The following TENM4 variants were observed in gnomAD, a reference collection of about 807,000 sequenced individuals.
TENM4 encodes the protein teneurin-4.
TENM4 carries 82 observed loss-of-function variants against 243.3 expected under a neutral mutation model. The observed-to-expected ratio is 0.34, with a 90% CI of 0.28 to 0.40. The LOEUF (loss-of-function observed/expected upper bound fraction) is 0.40. Among genes scored for constraint, TENM4 ranks in the 10% least tolerant of loss-of-function variants. The pLI is 1.00. For synonymous variants in TENM4, 1,412 were observed against 1,456.3 expected (o/e 0.97, Z 0.69); for missense variants, 3,138 against 3,673.3 (o/e 0.85, Z 3.77).
chr11:78,819,325 C>T (rs1857675687), intron 12 of TENM4, among the ~76,000 whole-genome samples: 1 of 152,148 alleles, frequency 6.6e-6, no homozygotes, highest in South Asian at 2.1e-4. Context: ...TCTCCTGAGT[C>T]CAGGGTTGAT....
chr11:78,956,051 T>C (rs1369555403), intron 6 of TENM4, among the ~76,000 whole-genome samples: 1 of 152,212 alleles, frequency 6.6e-6, no homozygotes, highest in Admixed American at 6.5e-5. Context: ...AGCTGTATCA[T>C]GTATGTGCCT....
At chr11:79,104,399 T>G (rs1861310479) in intron 4 of TENM4, among the ~76,000 whole-genome samples, 1 of 152,240 alleles carries the variant, frequency 6.6e-6, no homozygotes, top group African/African-American at 2.4e-5. Flanking sequence ...TTCTAGACAT[T>G]TTCTGCATCT....
intron 1 of TENM4, among the ~76,000 whole-genome samples, chr11:79,416,891 A>G (rs1327369050): frequency 6.6e-6 from 1 of 152,226 alleles, no homozygotes; most frequent in African/African-American, 2.4e-5. Context: ...AAAAAAAGAA[A>G]AAAAAAGACA....
chr11:79,283,743 C>T (rs1453838565), intron 2 of TENM4, among the ~76,000 whole-genome samples: 1 of 152,066 alleles, frequency 6.6e-6, no homozygotes, highest in Non-Finnish European at 1.5e-5. Flanking sequence ...TAAAGACATT[C>T]AGATTGGAGA....
intron 1 of TENM4, among the ~76,000 whole-genome samples, chr11:79,327,884 C>A (rs1480541707): frequency 6.6e-6 from 1 of 152,074 alleles, no homozygotes; most frequent in Admixed American, 6.5e-5. Context: ...CAAGCCCTGA[C>A]CATGAACTAT....
intron 6 of TENM4, among the ~76,000 whole-genome samples, chr11:79,021,997 C>T (rs759511756): frequency 1.7e-4 from 26 of 152,144 alleles, no homozygotes; most frequent in Non-Finnish European, 3.1e-4. Flanking sequence ...GACAATTTGG[C>T]TCAATCGTGC....
chr11:78,822,671 C>G (rs927223369), intron 12 of TENM4, among the ~76,000 whole-genome samples: 2 of 152,000 alleles, frequency 1.3e-5, no homozygotes, highest in African/African-American at 4.8e-5. Flanking sequence ...CACCATGGCA[C>G]ACGTTTACCT....
At chr11:79,113,099 C>T (rs1861540763) in intron 4 of TENM4, among the ~76,000 whole-genome samples, 1 of 152,172 alleles carries the variant, frequency 6.6e-6, no homozygotes, top group South Asian at 2.1e-4. Flanking sequence ...TAATGAAACA[C>T]ACTTGACAGC....
At chr11:79,081,653 T>C (rs766900917) in intron 4 of TENM4, among the ~76,000 whole-genome samples, 2 of 152,114 alleles carry the variant, frequency 1.3e-5, no homozygotes, top group African/African-American at 2.4e-5. Context: ...GGCCTTTTGC[T>C]ATTGAGCCCT....
chr11:78,704,005 C>A (rs1368087553), intron 27 of TENM4, among the ~76,000 whole-genome samples: 1 of 132,954 alleles, frequency 7.5e-6, no homozygotes, highest in Non-Finnish European at 1.6e-5. Context: ...GCATGTGCCA[C>A]CACACACACA....
chr11:79,157,283 T>C (rs1326222055), intron 3 of TENM4, among the ~76,000 whole-genome samples: 1 of 152,148 alleles, frequency 6.6e-6, no homozygotes, highest in African/African-American at 2.4e-5. Context: ...AGAGATCCAA[T>C]ACATCTTTGT....
chr11:79,393,362 G>T (rs1858275322), intron 1 of TENM4, among the ~76,000 whole-genome samples: 1 of 151,988 alleles, frequency 6.6e-6, no homozygotes, highest in South Asian at 2.1e-4. Context: ...TATCTCTCTG[G>T]GTCTCCGTTT....
intron 19 of TENM4, among the ~76,000 whole-genome samples, chr11:78,745,514 G>A (rs116601632): frequency 0.012 from 1,866 of 151,750 alleles, 44 homozygotes; most frequent in African/African-American, 0.043. Context: ...ACAGGCATGA[G>A]CCACTGTGCC....
chr11:78,786,850 A>T, intron 16 of TENM4, 48 bp downstream of exon 16: 1 of 1,565,644 alleles, frequency 6.4e-7, no homozygotes. Context: ...ACAGACAAAG[A>T]TGTCCTGCAG....
At chr11:78,859,772 C>A (rs140581851) in intron 10 of TENM4, among the ~76,000 whole-genome samples, 2 of 152,358 alleles carry the variant, frequency 1.3e-5, no homozygotes, top group Non-Finnish European at 2.9e-5. Context: ...GAGAGCCCAG[C>A]TGAGCCTGCG....
At chr11:78,773,680 C>A (rs1856686442) in intron 17 of TENM4, among the ~76,000 whole-genome samples, 1 of 152,164 alleles carries the variant, frequency 6.6e-6, no homozygotes. Flanking sequence ...GCCATACACA[C>A]TTTTAAATGA....
At chr11:78,916,593 A>G (rs1003187731) in intron 6 of TENM4, among the ~76,000 whole-genome samples, 8 of 152,204 alleles carry the variant, frequency 5.3e-5, no homozygotes, top group African/African-American at 1.9e-4. Flanking sequence ...TCCACCATGT[A>G]GAACTAGAGA....
intron 17 of TENM4, among the ~76,000 whole-genome samples, chr11:78,773,943 A>T (rs114525692): frequency 0.017 from 2,666 of 152,344 alleles, 91 homozygotes; most frequent in African/African-American, 0.062. Flanking sequence ...ATTTTACACC[A>T]TTTAATCCTA....
At chr11:79,169,089 C>T (rs905897776) in intron 3 of TENM4, among the ~76,000 whole-genome samples, 7 of 152,228 alleles carry the variant, frequency 4.6e-5, no homozygotes, top group Non-Finnish European at 1.0e-4. Flanking sequence ...ACCCCAGGAA[C>T]CTCTTCAGTC....
Sources: gnomAD v4.1 joint callset for allele counts (sites outside exome capture counted in the v4.1 genomes callset) on GRCh38, gnomAD v4.1.1 for gene constraint, MANE v1.5 for transcripts, NCBI Gene and HGNC (gene_info 2026-07-23, HGNC 2026-07-21) for gene names.